GAREM1: variants seen among roughly 807,000 people sequenced by gnomAD.
GAREM1 encodes GRB2 associated regulator of MAPK1 subtype 1.
In GAREM1, 26 loss-of-function variants were observed where a neutral mutation model predicts 71.3. That is an observed-to-expected ratio of 0.36 (90% CI 0.27 to 0.51). GAREM1 has a LOEUF of 0.51. Among genes scored for constraint, GAREM1 ranks in the 20% least tolerant of loss-of-function variants. GAREM1 has a pLI of 0.95. For missense variants in GAREM1, 1,026 were observed against 1,103.1 expected, an observed-to-expected ratio of 0.93 and a Z score of 0.99; for synonymous variants, 440 against 433.2, an observed-to-expected ratio of 1.02 and a Z score of -0.20.
Position 32,343,939 on chromosome 18 carries a change from C to T in GAREM1, c.263-33616G>A, listed in dbSNP as rs1258191128. Among the ~76,000 whole-genome samples the T allele has an allele frequency of 2.0e-5, 3 of 152,168 alleles. No individual in the cohort carries two copies. In the East Asian group the frequency reaches 5.8e-4, roughly 30 times the overall value. On this transcript the variant is annotated intron_variant, in intron 2 of 5. Coordinates refer to ENST00000269209, the MANE Select transcript of GAREM1 (RefSeq NM_001242409.2). ...AATACAGACAGGCTGCTCCTTTCCCCCACAAGCCTCTCTGACTCCCTCCTA... is the reference window on the plus strand; with the variant it reads ...AATACAGACAGGCTGCTCCTTTCCCTCACAAGCCTCTCTGACTCCCTCCTA...
chr18:32,431,571 T>C (rs1037344325), intron 1 of GAREM1, among the ~76,000 whole-genome samples: 1 of 152,072 alleles, frequency 6.6e-6, no homozygotes, highest in African/African-American at 2.4e-5. Context: ...GAGGTTGCAG[T>C]GAGCCGAGAT....
chr18:32,429,746 A>C (rs954368325), intron 1 of GAREM1, among the ~76,000 whole-genome samples: 1 of 152,258 alleles, frequency 6.6e-6, no homozygotes, highest in Non-Finnish European at 1.5e-5. Flanking sequence ...AAAAGCACTA[A>C]TCCAACTAAA....
intron 3 of GAREM1, among the ~76,000 whole-genome samples, chr18:32,305,728 C>T (rs1001825527): frequency 1.3e-5 from 2 of 152,176 alleles, no homozygotes; most frequent in Admixed American, 1.3e-4. Context: ...CCACATTGGC[C>T]AGGCAGGTCT....
intron 1 of GAREM1, among the ~76,000 whole-genome samples, chr18:32,416,256 G>T (rs1470109892): frequency 1.3e-5 from 2 of 152,100 alleles, no homozygotes; most frequent in African/African-American, 4.8e-5. Flanking sequence ...CCTGTTCATG[G>T]ATTGAAAGAA....
chr18:32,440,650 T>A (rs1370686798), intron 1 of GAREM1, among the ~76,000 whole-genome samples: 2 of 152,214 alleles, frequency 1.3e-5, no homozygotes, highest in Non-Finnish European at 2.9e-5. Context: ...TTGTGATGTA[T>A]CCTCATTGCC....
intron 1 of GAREM1, among the ~76,000 whole-genome samples, chr18:32,398,462 C>T (rs1465438335): frequency 6.6e-6 from 1 of 151,994 alleles, no homozygotes; most frequent in African/African-American, 2.4e-5. Flanking sequence ...CAAATAGACG[C>T]AATAAAAAAT....
chr18:32,363,922 A>C (rs1393888732), intron 2 of GAREM1, among the ~76,000 whole-genome samples: 4 of 147,206 alleles, frequency 2.7e-5, no homozygotes, highest in African/African-American at 9.9e-5. Flanking sequence ...ACACACATAA[A>C]AAAATATATA....
intron 1 of GAREM1, among the ~76,000 whole-genome samples, chr18:32,456,572 G>A (rs1033452105): frequency 6.6e-6 from 1 of 152,070 alleles, no homozygotes; most frequent in Admixed American, 6.6e-5. Context: ...GTTTGACTGG[G>A]ATGCAACGCA....
At chr18:32,329,095 G>A (rs2047502508) in intron 2 of GAREM1, among the ~76,000 whole-genome samples, 2 of 152,164 alleles carry the variant, frequency 1.3e-5, no homozygotes, top group Admixed American at 6.5e-5. Flanking sequence ...CTTCTGCCCG[G>A]CATGGTGGCT....
intron 1 of GAREM1, among the ~76,000 whole-genome samples, chr18:32,435,547 A>AT (rs1247684664): frequency 6.6e-6 from 1 of 152,218 alleles, no homozygotes; most frequent in Non-Finnish European, 1.5e-5. Context: ...TTTCCAAGAT[A>AT]TCTCACAAAA....
At chr18:32,451,766 T>C (rs1472068046) in intron 1 of GAREM1, among the ~76,000 whole-genome samples, 1 of 152,152 alleles carries the variant, frequency 6.6e-6, no homozygotes, top group Non-Finnish European at 1.5e-5. Flanking sequence ...TTTCCCATAT[T>C]TACAGCCCTT....
chr18:32,327,279 G>A (rs939134915), intron 2 of GAREM1, among the ~76,000 whole-genome samples: 1 of 152,174 alleles, frequency 6.6e-6, no homozygotes, highest in African/African-American at 2.4e-5. Flanking sequence ...TGCTGAATGG[G>A]AATTATGGCT....
chr18:32,280,528 C>T (rs1488917038), intron 4 of GAREM1, among the ~76,000 whole-genome samples: 1 of 152,110 alleles, frequency 6.6e-6, no homozygotes, highest in African/African-American at 2.4e-5. Flanking sequence ...CACAGGCACT[C>T]TAGTTCTTCA....
intron 2 of GAREM1, among the ~76,000 whole-genome samples, chr18:32,384,770 G>C (rs2048129973): frequency 6.6e-6 from 1 of 152,152 alleles, no homozygotes; most frequent in Non-Finnish European, 1.5e-5. Flanking sequence ...TAAGCAATGT[G>C]AAGTAGGACT....
intron 4 of GAREM1, among the ~76,000 whole-genome samples, chr18:32,286,286 G>A (rs1381036272): frequency 6.6e-6 from 1 of 151,752 alleles, no homozygotes; most frequent in Non-Finnish European, 1.5e-5. Context: ...TATGTTTAAG[G>A]TGTTAAATAG....
chr18:32,449,943 T>C (rs773085456), intron 1 of GAREM1, among the ~76,000 whole-genome samples: 1 of 152,046 alleles, frequency 6.6e-6, no homozygotes, highest in African/African-American at 2.4e-5. Flanking sequence ...CCTATGGACA[T>C]TGGGCAGGCA....
intron 1 of GAREM1, among the ~76,000 whole-genome samples, chr18:32,453,307 C>T (rs2048858526): frequency 6.6e-6 from 1 of 152,120 alleles, no homozygotes; most frequent in Non-Finnish European, 1.5e-5. Context: ...AGGAGAGCTA[C>T]AATTCAAGAT....
At chr18:32,283,034 G>A (rs1019348259) in intron 4 of GAREM1, among the ~76,000 whole-genome samples, 17 of 152,180 alleles carry the variant, frequency 1.1e-4, no homozygotes, top group African/African-American at 3.1e-4. Flanking sequence ...GGACTGTCAG[G>A]TCATTCTGAT....
chr18:32,300,573 A>G (rs912797438), intron 3 of GAREM1, among the ~76,000 whole-genome samples: 1 of 152,052 alleles, frequency 6.6e-6, no homozygotes, highest in African/African-American at 2.4e-5. Flanking sequence ...TAGAATCACA[A>G]GCGGCTCTGT....
Sources: allele counts gnomAD v4.1 joint callset (sites outside exome capture counted in the v4.1 genomes callset), GRCh38; gene constraint gnomAD v4.1.1; transcripts MANE v1.5; gene names NCBI Gene and HGNC (gene_info 2026-07-23, HGNC 2026-07-21).